INTS10: variants seen among roughly 807,000 people sequenced by gnomAD.
The protein encoded by INTS10 is integrator complex subunit 10.
In INTS10, 44 loss-of-function variants were observed where a neutral mutation model predicts 94.4. The ratio of observed to expected loss-of-function variants is 0.47; its 90% CI spans 0.37 to 0.60. The LOEUF (loss-of-function observed/expected upper bound fraction) is 0.60. Among genes scored for constraint, INTS10 ranks in the 20% least tolerant of loss-of-function variants. The probability of loss-of-function intolerance (pLI) is 0.00; values close to 1 mark genes in which losing one functional copy is unlikely to be tolerated. For missense variants in INTS10, 797 were observed against 868.7 expected, an observed-to-expected ratio of 0.92 and a Z score of 1.04; for synonymous variants, 341 against 320.7, an observed-to-expected ratio of 1.06 and a Z score of -0.68.
At position 19,817,478 on chromosome 8, in the gene INTS10, G is replaced by T; in HGVS notation, c.-60G>T. On this transcript the variant is annotated 5_prime_UTR_variant, in exon 1 of 17. The change abolishes the stop of an existing upstream ORF in the 5' untranslated region. Transcript: ENST00000397977. Reference sequence around the variant, plus strand: ...GGCGGCGGTGGCTGCCGTGGCGGCTGAGAGTCCAGAGCCGGACGTTCCGGC... The same window carrying T: ...GGCGGCGGTGGCTGCCGTGGCGGCTTAGAGTCCAGAGCCGGACGTTCCGGC... 1.3e-6 allele frequency: 2 copies of T among 1,562,608 alleles called. No homozygotes were observed.
chr8:19,833,469 C>A, intron 12 of INTS10, 148 bp downstream of exon 12: 1 of 528,096 alleles, frequency 1.9e-6, no homozygotes, highest in African/African-American at 2.0e-5. Flanking sequence ...TAGTGAACAT[C>A]ACAATGATTT....
In INTS10 at chr8:19,837,069, C is replaced by T. The variant is rs943407460; in HGVS notation, c.1548C>T (p.Val516=). The T allele has an allele frequency of 9.9e-6, 16 of 1,612,610 alleles. No homozygotes were observed. The highest frequency in any genetic ancestry group is 1.4e-5 in the Non-Finnish European group (16 of 1,178,668). The stretch of plus-strand genomic sequence containing the variant: ...TGCTTTAGATGACATGTGAAAAAGT[C>T]CTTGATTTGATGTGCTACATGGTAC... ...LGEYRMTCEK[V]LDLMCYMVLP... is the part of the protein sequence containing the mutation. Residue 516 remains valine, a synonymous_variant, in exon 13 of 17, where the codon GTC becomes GTT. Coordinates refer to ENST00000397977, the MANE Select transcript of INTS10 (RefSeq NM_018142.4).
At chr8:19,830,825 A>G (rs924539423) in intron 10 of INTS10, among the ~76,000 whole-genome samples, 1 of 152,136 alleles carries the variant, frequency 6.6e-6, no homozygotes, top group African/African-American at 2.4e-5. Context: ...GGCACGTGCG[A>G]CCATGCCCGG....
Position 19,817,476 on chromosome 8 carries a change from C to G in INTS10, c.-62C>G. 1 of 1,559,652 alleles carries G rather than the reference C, an allele frequency of 6.4e-7. No individual in the cohort carries two copies. Among genetic ancestry groups the G allele is most frequent in the African/African-American group, 1.4e-5 (1 of 73,742 alleles). Reference sequence around the variant, plus strand: ...GCGGCGGCGGTGGCTGCCGTGGCGGCTGAGAGTCCAGAGCCGGACGTTCCG... The same window carrying G: ...GCGGCGGCGGTGGCTGCCGTGGCGGGTGAGAGTCCAGAGCCGGACGTTCCG... On this transcript the variant is annotated 5_prime_UTR_variant, in exon 1 of 17. Coordinates refer to ENST00000397977, the MANE Select transcript of INTS10 (RefSeq NM_018142.4).
Position 19,851,485 on chromosome 8 carries a change from T to C in INTS10, c.1977-164T>C, listed in dbSNP as rs1314286665. Among the ~76,000 whole-genome samples, 1 of 152,236 alleles carries C rather than the reference T, an allele frequency of 6.6e-6. No individual in the cohort carries two copies. The highest frequency in any genetic ancestry group is 1.9e-4 in the East Asian group (1 of 5,202). ...AGTTTTAAGTCTTTCTGAAGAGAAA[T>C]GGGCTGGAATGTTTGGTTGGTTGCA... On this transcript the variant is annotated intron_variant, in intron 16 of 16. Transcript: ENST00000397977. This position sits in a 1 kb window ranked among gnomAD's most constrained non-coding sequence, Gnocchi z 5.0.
rs1332248607 is a variant in INTS10 at position 19,818,296 on chromosome 8, C to T, written c.151C>T (p.Arg51Trp). 1.2e-6 allele frequency: 2 copies of T among 1,614,006 alleles called. No homozygotes were observed. Among genetic ancestry groups the T allele is most frequent in the Admixed American group, 1.7e-5 (1 of 59,994 alleles). The change falls in exon 2 of 17, where the codon CGG becomes TGG. Residue 51 changes from arginine to tryptophan, a missense_variant. Arg to Trp is a moderately radical substitution (Grantham distance 101). This residue lies in a region of INTS10 where 734 missense variants were observed against 787.8 expected (regional missense o/e 0.93). Transcript: ENST00000397977. ...GCAGTATGAGATGTACACCATCGAG[C>T]GGAATGCAGAGCGGACCGCCACCGC... ...NIQYEMYTIE[R>W]NAERTATAGR...
intron 12 of INTS10, among the ~76,000 whole-genome samples, chr8:19,836,448 C>G (rs1563415014): frequency 6.6e-6 from 1 of 152,200 alleles, no homozygotes; most frequent in Non-Finnish European, 1.5e-5. Context: ...TCATCTGTGT[C>G]CTAGACCAAA....
In INTS10 at chr8:19,844,932, G is replaced by T. The variant is rs144081170; in HGVS notation, c.1882+694G>T. Among the ~76,000 whole-genome samples, 537 of 151,906 alleles carry T rather than the reference G, an allele frequency of 3.5e-3. 1 individual carries two copies. Among genetic ancestry groups the T allele is most frequent in the African/African-American group, 0.012 (498 of 41,420 alleles). On this transcript the variant is annotated intron_variant, in intron 15 of 16. Transcript: ENST00000397977. The stretch of plus-strand genomic sequence containing the variant: ...TTTTTTTTAGAGTTGGGGTCTTGCT[G>T]TGTCACCCAGGCTGGAGTGTAGTGG...
At chr8:19,842,008 T>G in intron 13 of INTS10, 1 of 262,906 alleles carries the variant, frequency 3.8e-6, no homozygotes, top group South Asian at 3.8e-5. Flanking sequence ...TCTTGCTATC[T>G]TGCCTCTGAG....
At chr8:19,822,672 C>T in intron 5 of INTS10, 152 bp downstream of exon 5, 1 of 532,214 alleles carries the variant, frequency 1.9e-6, no homozygotes, top group South Asian at 2.5e-5. Flanking sequence ...AGCATTTTAG[C>T]TGGGTGCGGT....
intron 13 of INTS10, among the ~76,000 whole-genome samples, chr8:19,841,219 C>G (rs1251943380): frequency 6.6e-6 from 1 of 152,184 alleles, no homozygotes; most frequent in Non-Finnish European, 1.5e-5. Context: ...CTTCACACTA[C>G]ATAGACATCC....
At chr8:19,825,028 A>G (rs1011500926) in intron 8 of INTS10, 56 bp downstream of exon 8, 2 of 1,415,968 alleles carry the variant, frequency 1.4e-6, no homozygotes, top group Admixed American at 1.7e-5. Flanking sequence ...TGGGGATGGT[A>G]AGGAAAATGA....
At chr8:19,842,679 A>G (rs1207407698) in intron 13 of INTS10, among the ~76,000 whole-genome samples, 169 bp from the exon 14 acceptor site, 4 of 152,352 alleles carry the variant, frequency 2.6e-5, no homozygotes, top group South Asian at 4.1e-4. Context: ...TCAAAAGCCA[A>G]TTTCACCATC....
intron 13 of INTS10, chr8:19,841,752 A>G: frequency 2.2e-6 from 1 of 446,196 alleles, no homozygotes; most frequent in Non-Finnish European, 4.5e-6. Flanking sequence ...TCATTACCTA[A>G]TTATTAAATG....
rs934119519 is a variant in INTS10 at position 19,848,466 on chromosome 8, A to C, written c.1976+2669A>C. Among the ~76,000 whole-genome samples, 3 of 152,242 alleles carry C rather than the reference A, an allele frequency of 2.0e-5. No individual in the cohort carries two copies. The East Asian group carries it at 5.8e-4, about 29-fold the overall frequency. On this transcript the variant is annotated intron_variant, in intron 16 of 16. Transcript: ENST00000397977. ...ATAAATGCAGTATCTTAGTTGTATT[A>C]GAGTGGATTAAAATGGAAAACAATG... is the stretch of plus-strand genomic sequence containing the variant.
At chr8:19,833,054 T>C in intron 11 of INTS10, 115 bp from the exon 12 acceptor site, 1 of 795,314 alleles carries the variant, frequency 1.3e-6, no homozygotes, top group Admixed American at 3.1e-5. Context: ...CAAACCAAGC[T>C]ACCGTCTTTG....
chr8:19,825,979 A>G (rs2066757510), intron 8 of INTS10, among the ~76,000 whole-genome samples: 1 of 152,218 alleles, frequency 6.6e-6, no homozygotes, highest in Non-Finnish European at 1.5e-5. Context: ...TGTTTACCTA[A>G]TTGAGATCAC....
chr8:19,849,563 G>A lies in INTS10; in HGVS notation c.1977-2086G>A, dbSNP rs914344849. On this transcript the variant is annotated intron_variant, in intron 16 of 16. Transcript: ENST00000397977. This position sits in a 1 kb window ranked among gnomAD's most constrained non-coding sequence, Gnocchi z 4.6. ...CTTTTGATAAAACGTTAAGGCTTTC[G>A]GTCATATATATTTAAGGATGCTGAC... Among the ~76,000 whole-genome samples the A allele has an allele frequency of 6.6e-6, 1 of 152,000 alleles. No individual in the cohort carries two copies. The highest frequency in any genetic ancestry group is 2.4e-5 in the African/African-American group (1 of 41,362).
At chr8:19,828,333 T>TGG (rs11376496) in intron 9 of INTS10, among the ~76,000 whole-genome samples, 84 of 152,090 alleles carry the variant, frequency 5.5e-4, no homozygotes, top group Non-Finnish European at 1.1e-3. Flanking sequence ...CAACTGGAGT[T>TGG]GGGGGGTGGC....
Sources: gnomAD v4.1 joint callset for allele counts (sites outside exome capture counted in the v4.1 genomes callset) on GRCh38, gnomAD v4.1.1 for gene constraint, gnomAD v4.1.1 regional missense constraint, Gnocchi (gnomAD v3.1) non-coding constraint, MANE v1.5 for transcripts, NCBI Gene and HGNC (gene_info 2026-07-23, HGNC 2026-07-21) for gene names.